Variants in C9orf78 observed in about 807,000 individuals in gnomAD.
C9orf78 encodes splicing factor C9orf78.
A neutral mutation model predicts 37.4 loss-of-function variants in C9orf78; 19 were observed. The ratio of observed to expected loss-of-function variants is 0.51; its 90% CI spans 0.35 to 0.74. The LOEUF is 0.74. Among genes scored for constraint, C9orf78 ranks in the 30% least tolerant of loss-of-function variants. The probability of loss-of-function intolerance (pLI) is 0.01; values close to 1 mark genes in which losing one functional copy is unlikely to be tolerated. For synonymous variants in C9orf78, 130 were observed against 128.0 expected (o/e 1.02, Z -0.10); for missense variants, 291 against 370.8 (o/e 0.78, Z 1.77).
chr9:129,831,103 TG>T, intron 5 of C9orf78, 35 bp from the exon 6 acceptor site: 1 of 1,359,730 alleles, frequency 7.4e-7, no homozygotes, highest in Non-Finnish European at 1.1e-6. Flanking sequence ...CAGGGAGGGG[TG>T]GGAAACACAC....
intron 8 of C9orf78, 154 bp downstream of exon 8, chr9:129,829,051 G>A (rs758374179): frequency 4.3e-6 from 3 of 705,100 alleles, no homozygotes; most frequent in Non-Finnish European, 7.8e-6. Context: ...CTTAGAAAGG[G>A]GAAGGCACAT....
At chr9:129,829,058 A>G (rs2031418025) in intron 8 of C9orf78, 147 bp downstream of exon 8, 1 of 709,526 alleles carries the variant, frequency 1.4e-6, no homozygotes, top group Non-Finnish European at 2.6e-6. Context: ...AGGGGAAGGC[A>G]CATAGTCATG....
At position 129,831,913 on chromosome 9, in the gene C9orf78, C is replaced by T. The variant is rs940568629; in HGVS notation, c.327G>A (p.Arg109=). ...ACACTTACATGTCTGCATCCTCATC[C>T]CTTCGGTTGGTTTCTGCAGAAAACG... ...GTSFSAETNR[R]DEDADMMKYI... Residue 109 remains arginine (R), a synonymous_variant, in exon 5 of 9, where the codon AGG becomes AGA. Transcript: ENST00000372447. 6.3e-7 allele frequency: 1 copy of T among 1,579,452 alleles called. No homozygotes were observed. The highest frequency in any genetic ancestry group is 8.7e-7 in the Non-Finnish European group (1 of 1,148,568).
In C9orf78 at chr9:129,835,274, C is replaced by G. The variant is rs1055053172; in HGVS notation, c.-53G>C. Reference sequence around the variant, plus strand: ...CCGCGCCTCTGCGCAGCGGCCCAGGCTGCTTCCGGCGCGCGGCAGAGCGGT... The same window carrying G: ...CCGCGCCTCTGCGCAGCGGCCCAGGGTGCTTCCGGCGCGCGGCAGAGCGGT... On this transcript the variant is annotated 5_prime_UTR_variant, in exon 1 of 9. Transcript: ENST00000372447. 2.5e-5 allele frequency: 34 copies of G among 1,345,026 alleles called. No individual in the cohort carries two copies. In the African/African-American group the frequency reaches 4.8e-4, roughly 19 times the overall value. 83.3% of individuals were successfully genotyped at this position (1,345,026 alleles called of 1,614,324 possible).
At position 129,829,439 on chromosome 9, in the gene C9orf78, G is replaced by C. The variant is rs1257916686; in HGVS notation, c.645C>G (p.Thr215=). The change falls in exon 7 of 9, where the codon ACC becomes ACG. Residue 215 remains threonine, a synonymous_variant. Transcript: ENST00000372447. ...KKDSETSFVP[T]NMAVNYVQHN... Reference sequence around the variant, plus strand: ...GCTGCACATAATTCACAGCCATGTTGGTAGGCACGAAGGAGGTCTCGCTGT... The same window carrying C: ...GCTGCACATAATTCACAGCCATGTTCGTAGGCACGAAGGAGGTCTCGCTGT... 2 of 1,614,000 alleles carry C rather than the reference G, an allele frequency of 1.2e-6. No homozygotes were observed. The highest frequency in any genetic ancestry group is 1.7e-6 in the Non-Finnish European group (2 of 1,180,018).
At chr9:129,833,591 G>A (rs766631777) in intron 3 of C9orf78, 67 bp downstream of exon 3, 5 of 1,438,106 alleles carry the variant, frequency 3.5e-6, no homozygotes, top group East Asian at 2.3e-5. Context: ...TGTGAAGCAC[G>A]CTCACTCACT....
intron 4 of C9orf78, 150 bp downstream of exon 4, chr9:129,833,297 T>C: frequency 1.6e-6 from 1 of 623,866 alleles, no homozygotes; most frequent in South Asian, 2.0e-5. Flanking sequence ...TTGCTTTCTT[T>C]GTTTTTAAAT....
chr9:129,835,223 G>A lies in C9orf78; in HGVS notation c.-2C>T. On this transcript the variant is annotated 5_prime_UTR_variant, in exon 1 of 9. Coordinates refer to ENST00000372447, the MANE Select transcript of C9orf78 (RefSeq NM_016520.3). ...GAAAATCTTCCGGACGACCGGCATG[G>A]TGACAACGGCCGAGTTGTACAGCCG... 1.9e-6 allele frequency: 3 copies of A among 1,606,786 alleles called. No homozygotes were observed. The highest frequency in any genetic ancestry group is 2.7e-5 in the African/African-American group (2 of 74,604).
In C9orf78 at chr9:129,830,877, C is replaced by T. The variant is rs2031476979; in HGVS notation, c.536G>A (p.Gly179Asp). 1 of 1,610,310 alleles carries T rather than the reference C, an allele frequency of 6.2e-7. No individual in the cohort carries two copies. The highest frequency in any genetic ancestry group is 1.3e-5 in the African/African-American group (1 of 74,810). The change falls in exon 6 of 9, where the codon GGC becomes GAC. Residue 179 changes from glycine to aspartate, a missense_variant. By Grantham distance (94) the Gly-to-Asp change is moderately conservative (BLOSUM62 -1). This residue lies in a region of C9orf78 where 13 missense variants were observed against 47.3 expected (regional missense o/e 0.27). Transcript: ENST00000372447. ...MLSGIPEVDL[G>D]IDAKIKNIIS... ...CTAGGGGTCTCAAACATACTCGATG[C>T]CCAGGTCCACCTCAGGAATGCCACT...
At chr9:129,829,374 T>TG (rs2031431453) in intron 7 of C9orf78, 31 bp downstream of exon 7, 1 of 1,606,688 alleles carries the variant, frequency 6.2e-7, no homozygotes, top group African/African-American at 1.3e-5. Context: ...AATAGGGGAA[T>TG]GGGGGCAAGA....
At chr9:129,835,099 T>C (rs1236688471) in intron 1 of C9orf78, 40 bp downstream of exon 1, 2 of 1,486,772 alleles carry the variant, frequency 1.3e-6, no homozygotes, top group South Asian at 2.3e-5. Flanking sequence ...CAAACAAGTC[T>C]ATCTTTACCA....
rs1377500035 is a variant in C9orf78, at chr9:129,833,679, T to C, written c.174A>G (p.Val58=). The change falls in exon 3 of 9, where the codon GTA becomes GTG. Residue 58 remains valine (V), a synonymous_variant. Coordinates refer to ENST00000372447, the MANE Select transcript of C9orf78 (RefSeq NM_016520.3). ...SAVALLVGEK[V]QEETTLVDDP... ...TTACCACTAGAGTGGTCTCCTCTTG[T>C]ACCTTCTCTCCCACCAGCAAGGCCA... The C allele has an allele frequency of 8.7e-6, 14 of 1,612,000 alleles. No homozygotes were observed. The highest frequency in any genetic ancestry group is 1.2e-5 in the Non-Finnish European group (14 of 1,178,656).
Position 129,834,849 on chromosome 9 carries a change from T to C in C9orf78, c.84-83A>G, listed in dbSNP as rs1447369279. ...AAGCTAACAGAGCCAATAAGGCACCTTCGAGGGCATCCCAGCCCAGCTACT... is the reference window on the plus strand; with the variant it reads ...AAGCTAACAGAGCCAATAAGGCACCCTCGAGGGCATCCCAGCCCAGCTACT... On this transcript the variant is annotated intron_variant, in intron 1 of 8. Transcript: ENST00000372447. 4 of 1,081,786 alleles carry C rather than the reference T, an allele frequency of 3.7e-6. No homozygotes were observed. The African/African-American group carries it at 6.2e-5, about 17-fold the overall frequency. The allele number at this position is 1,081,786 out of a possible 1,614,324, so 67.0% of individuals were successfully genotyped here.
At chr9:129,828,904 G>A (rs972535394) in intron 8 of C9orf78, 6 of 456,218 alleles carry the variant, frequency 1.3e-5, no homozygotes, top group Middle Eastern at 5.4e-4. Flanking sequence ...CTAACCTTAT[G>A]AGTAGCTTTT....
Position 129,833,721 on chromosome 9 carries a change from C to CAAAAAAAAAAGAAAAACA in C9orf78, c.144-13_144-12insTGTTTTTCTTTTTTTTTT. ...GCAAGGCCACAGCACTGAGCAAAACCAAAAAAAAAAGAGAGGGGGAGAGAG... is the reference window on the plus strand; with the variant it reads ...GCAAGGCCACAGCACTGAGCAAAACCAAAAAAAAAAGAAAAACAAAAAAAAAAAGAGAGGGGGAGAGAG... On this transcript the variant is annotated splice_polypyrimidine_tract_variant and intron_variant, in intron 2 of 8. Transcript: ENST00000372447. The CAAAAAAAAAAGAAAAACA allele has an allele frequency of 7.5e-7, 1 of 1,324,646 alleles. No individual in the cohort carries two copies. Among genetic ancestry groups the CAAAAAAAAAAGAAAAACA allele is most frequent in the East Asian group, 2.8e-5 (1 of 36,352 alleles). 82.1% of individuals were successfully genotyped at this position (1,324,646 alleles called of 1,614,324 possible). A position where few individuals can be genotyped will look rare whatever the true frequency, so the allele number is the denominator to read the frequency against.
intron 8 of C9orf78, 75 bp downstream of exon 8, chr9:129,829,130 C>T (rs56195701): frequency 0.015 from 15,650 of 1,027,084 alleles, 169 homozygotes; most frequent in East Asian, 0.025. Flanking sequence ...ACCCTGTCCC[C>T]CGCTGCATCC....
intron 8 of C9orf78, 136 bp from the exon 9 acceptor site, chr9:129,828,388 G>A: frequency 3.2e-6 from 2 of 620,744 alleles, no homozygotes. Context: ...AACACAGTAG[G>A]GCCTCAGTAG....
chr9:129,828,102 T>G lies in C9orf78; in HGVS notation c.*59A>C. Reference sequence around the variant, plus strand: ...GCCACCACGCCCGGCCAGGAAGCCATTTTTCATGGGAGGGATATAGGGAGA... The same window carrying G: ...GCCACCACGCCCGGCCAGGAAGCCAGTTTTCATGGGAGGGATATAGGGAGA... On this transcript the variant is annotated 3_prime_UTR_variant, in exon 9 of 9. Coordinates refer to ENST00000372447, the MANE Select transcript of C9orf78 (RefSeq NM_016520.3). 2 of 1,058,682 alleles carry G rather than the reference T, an allele frequency of 1.9e-6. No homozygotes were observed. The highest frequency in any genetic ancestry group is 3.5e-5 in the Admixed American group (2 of 57,042). The allele number at this position is 1,058,682 out of a possible 1,614,324, so 65.6% of individuals were successfully genotyped here. A position where few individuals can be genotyped will look rare whatever the true frequency, so the allele number is the denominator to read the frequency against.
intron 2 of C9orf78, 55 bp downstream of exon 2, chr9:129,834,652 C>T (rs2031643368): frequency 3.2e-6 from 4 of 1,248,138 alleles, no homozygotes; most frequent in Non-Finnish European, 4.7e-6. Context: ...GCGACCCGGA[C>T]GCGGATGTGT....
Sources: gnomAD v4.1 joint callset for allele counts on GRCh38, gnomAD v4.1.1 for gene constraint, gnomAD v4.1.1 regional missense constraint, MANE v1.5 for transcripts, NCBI Gene and HGNC (gene_info 2026-07-23, HGNC 2026-07-21) for gene names.